The following LGALS3BP variants were observed in gnomAD, a reference collection of about 807,000 sequenced individuals.
The protein encoded by LGALS3BP is galectin-3-binding protein.
In LGALS3BP, 25 loss-of-function variants were observed where a neutral mutation model predicts 22.9. The observed-to-expected ratio is 1.09, with a 90% CI of 0.80 to 1.53. LGALS3BP has a LOEUF of 1.53. LGALS3BP is among the 40% of genes most tolerant of loss of function. LGALS3BP has a pLI of 0.00. For synonymous variants in LGALS3BP, 335 were observed against 331.1 expected (o/e 1.01, Z -0.13); for missense variants, 718 against 752.0 (o/e 0.95, Z 0.53).
chr17:78,975,006 C>T (rs2070707998), intron 3 of LGALS3BP, 187 bp from the exon 4 acceptor site: 1 of 718,746 alleles, frequency 1.4e-6, no homozygotes, highest in South Asian at 1.9e-5. Flanking sequence ...AGGCCATAAA[C>T]TTAGCCTTCA....
Position 78,972,503 on chromosome 17 carries a change from C to T in LGALS3BP, c.831G>A (p.Lys277=). Residue 277 remains lysine, a synonymous_variant, in exon 6 of 6, where the codon AAG becomes AAA. Transcript: ENST00000262776. The surrounding 1 kb of genome is among the most constrained non-coding windows in gnomAD (Gnocchi z 5.1). ...AVATGDALLE[K]LCLQFLAWNF... ...TCCAGGCCAGGAACTGTAGGCAGAG[C>T]TTCTCCAGCAGGGCGTCCCCTGTGG... 2 of 1,613,030 alleles carry T rather than the reference C, an allele frequency of 1.2e-6. No individual in the cohort carries two copies. The highest frequency in any genetic ancestry group is 1.1e-5 in the South Asian group (1 of 91,066).
At chr17:78,978,265 G>A (rs1437798541) in intron 1 of LGALS3BP, among the ~76,000 whole-genome samples, 2 of 152,230 alleles carry the variant, frequency 1.3e-5, no homozygotes, top group Non-Finnish European at 2.9e-5. Context: ...TAGCCCCTCT[G>A]CATGGGAGTC....
chr17:78,973,110 GC>G lies in LGALS3BP; in HGVS notation c.488del (p.Gly163AlafsTer14). On this transcript the variant is annotated frameshift_variant, in exon 5 of 6. Transcript: ENST00000262776. LOFTEE classifies it high-confidence loss of function. The surrounding 1 kb of genome is among the most constrained non-coding windows in gnomAD (Gnocchi z 5.8). ...GGCCACAGAAGCCCAGGGCGTCCTC[GC>G]CCTGCACATTCACGCTGATGGACAG... is the stretch of plus-strand genomic sequence containing the variant. The part of the protein sequence containing the change: ...CDLSISVNVQ[G>X]EDALGFCGHT... 5 of 1,613,512 alleles carry G rather than the reference GC, an allele frequency of 3.1e-6. No individual in the cohort carries two copies. Among genetic ancestry groups the G allele is most frequent in the Non-Finnish European group, 4.2e-6 (5 of 1,179,924 alleles).
Position 78,976,888 on chromosome 17 carries a change from C to T in LGALS3BP, c.52+252G>A. 3.7e-6 allele frequency: 2 copies of T among 538,312 alleles called. No individual in the cohort carries two copies. The highest frequency in any genetic ancestry group is 3.3e-5 in the East Asian group (1 of 30,098). The allele number at this position is 538,312 out of a possible 1,614,324, so 33.3% of individuals were successfully genotyped here. ...GCTGGTTTGATCAGCCCCTCTGGTT[C>T]CCTCTGGACGGAATGGAGGATTCCC... On this transcript the variant is annotated intron_variant, in intron 2 of 5. Coordinates refer to ENST00000262776, the MANE Select transcript of LGALS3BP (RefSeq NM_005567.4). The surrounding 1 kb of genome is among the most constrained non-coding windows in gnomAD (Gnocchi z 4.6).
chr17:78,976,113 G>A lies in LGALS3BP; in HGVS notation c.96C>T (p.Thr32=), dbSNP rs774158187. The A allele has an allele frequency of 1.2e-6, 2 of 1,600,134 alleles. No homozygotes were observed. The highest frequency in any genetic ancestry group is 2.3e-5 in the South Asian group (2 of 88,840). ...GDMRLADGGA[T]NQGRVEIFYR... is the part of the protein sequence containing the mutation. Reference sequence around the variant, plus strand: ...AGAAGATCTCCACGCGGCCCTGGTTGGTGGCGCCCCCATCGGCCAGCCGCA... The same window carrying A: ...AGAAGATCTCCACGCGGCCCTGGTTAGTGGCGCCCCCATCGGCCAGCCGCA... Residue 32 remains threonine, a synonymous_variant, in exon 3 of 6, where the codon ACC becomes ACT. Coordinates refer to ENST00000262776, the MANE Select transcript of LGALS3BP (RefSeq NM_005567.4). This position sits in a 1 kb window ranked among gnomAD's most constrained non-coding sequence, Gnocchi z 4.6.
chr17:78,972,748 C>A lies in LGALS3BP; in HGVS notation c.630-44G>T. 6.6e-7 allele frequency: 1 copy of A among 1,511,640 alleles called. No homozygotes were observed. Among genetic ancestry groups the A allele is most frequent in the Non-Finnish European group, 8.8e-7 (1 of 1,131,508 alleles). The allele number at this position is 1,511,640 out of a possible 1,614,324, so 93.6% of individuals were successfully genotyped here. On this transcript the variant is annotated intron_variant, in intron 5 of 5. Transcript: ENST00000262776. The surrounding 1 kb of genome is among the most constrained non-coding windows in gnomAD (Gnocchi z 5.1). ...AGCAGATGCCGGCCCCACAGGACAG[C>A]AGGGGAGCCCTGGGCCCAACTGTCC...
In LGALS3BP at chr17:78,972,395, C is replaced by G; in HGVS notation, c.939G>C (p.Leu313=). The part of the protein sequence containing the change: ...LLQLLLPRSD[L]AVPSELALLK... ...GTAGGGCCAGCTCGCTGGGCACCGCCAGGTCGCTCCTGGGCAGCAGCAGTT... is the reference window on the plus strand; with the variant it reads ...GTAGGGCCAGCTCGCTGGGCACCGCGAGGTCGCTCCTGGGCAGCAGCAGTT... The change falls in exon 6 of 6, where the codon CTG becomes CTC. Residue 313 remains leucine (L), a synonymous_variant. Transcript: ENST00000262776. The surrounding 1 kb of genome is among the most constrained non-coding windows in gnomAD (Gnocchi z 5.1). 6.2e-7 allele frequency: 1 copy of G among 1,613,482 alleles called. No homozygotes were observed. The highest frequency in any genetic ancestry group is 8.5e-7 in the Non-Finnish European group (1 of 1,180,022).
In LGALS3BP at chr17:78,976,272, A is replaced by C; in HGVS notation, c.53-116T>G. ...TGCTGAGCTTGTATTTCAGGGCTTC[A>C]AGGTCCCCTGGCCTCTCCATGAGGG... On this transcript the variant is annotated intron_variant, in intron 2 of 5. Transcript: ENST00000262776. The surrounding 1 kb of genome is among the most constrained non-coding windows in gnomAD (Gnocchi z 4.6). 1.1e-6 allele frequency: 1 copy of C among 933,188 alleles called. No individual in the cohort carries two copies. Among genetic ancestry groups the C allele is most frequent in the East Asian group, 2.7e-5 (1 of 36,722 alleles). 57.8% of individuals were successfully genotyped at this position (933,188 alleles called of 1,614,324 possible).
chr17:78,977,415 T>C, intron 1 of LGALS3BP: 1 of 571,200 alleles, frequency 1.8e-6, no homozygotes, highest in Non-Finnish European at 3.1e-6. Context: ...TGGTCTGCAG[T>C]GTGGTCCTGG....
intron 3 of LGALS3BP, 38 bp from the exon 4 acceptor site, chr17:78,974,857 G>A (rs779203036): frequency 8.7e-6 from 14 of 1,604,924 alleles, no homozygotes; most frequent in South Asian, 3.3e-5. Context: ...GGGGCGTGAC[G>A]ACTGCACCCA....
rs1568022230 is a variant in LGALS3BP at position 78,972,010 on chromosome 17, A to G, written c.1324T>C (p.Tyr442His). ...GGGGCTTGGAAGTAATCAGAAGAAT[A>G]TTTGACCAAAGGCCCCCGTCTGGAC... is the stretch of plus-strand genomic sequence containing the variant. ...YQSRRGPLVK[Y>H]SSDYFQAPSD... Residue 442 changes from tyrosine (Y) to histidine (H), a missense_variant, in exon 6 of 6, where the codon TAT (tyrosine) becomes CAT (histidine). Coordinates refer to ENST00000262776, the MANE Select transcript of LGALS3BP (RefSeq NM_005567.4). The surrounding 1 kb of genome is among the most constrained non-coding windows in gnomAD (Gnocchi z 5.1). 6.2e-7 allele frequency: 1 copy of G among 1,614,090 alleles called. No homozygotes were observed. Among genetic ancestry groups the G allele is most frequent in the Non-Finnish European group, 8.5e-7 (1 of 1,180,024 alleles).
Position 78,971,463 on chromosome 17 carries a change from T to C in LGALS3BP, c.*113A>G. ...GAGCGCTCAGGTGAGTAGGGCGACA[T>C]CTGGTGGCCGGTTGTTGAAGGTCAT... On this transcript the variant is annotated 3_prime_UTR_variant, in exon 6 of 6. Coordinates refer to ENST00000262776, the MANE Select transcript of LGALS3BP (RefSeq NM_005567.4). The surrounding 1 kb of genome is among the most constrained non-coding windows in gnomAD (Gnocchi z 5.6). 2.1e-6 allele frequency: 2 copies of C among 960,380 alleles called. No individual in the cohort carries two copies. Among genetic ancestry groups the C allele is most frequent in the Non-Finnish European group, 3.0e-6 (2 of 657,268 alleles). 59.5% of individuals were successfully genotyped at this position (960,380 alleles called of 1,614,324 possible). A position where few individuals can be genotyped will look rare whatever the true frequency, so the allele number is the denominator to read the frequency against.
rs199518403 is a variant in LGALS3BP, at chr17:78,972,157, G to A, written c.1177C>T (p.Arg393Trp). 14 of 1,613,988 alleles carry A rather than the reference G, an allele frequency of 8.7e-6. No individual in the cohort carries two copies. The highest frequency in any genetic ancestry group is 2.7e-5 in the African/African-American group (2 of 75,010). The change falls in exon 6 of 6, where the codon CGG (arginine) becomes TGG (tryptophan). Residue 393 changes from arginine (R) to tryptophan (W), a missense_variant. Transcript: ENST00000262776. This position sits in a 1 kb window ranked among gnomAD's most constrained non-coding sequence, Gnocchi z 5.1. Reference sequence around the variant, plus strand: ...TCGGTGAGGTTCAGGCCTTTGTACCGGGCCAGCAACTGGAAGGGCACAGTG... The same window carrying A: ...TCGGTGAGGTTCAGGCCTTTGTACCAGGCCAGCAACTGGAAGGGCACAGTG... ...FHTVPFQLLA[R>W]YKGLNLTEDT... is the part of the protein sequence containing the mutation.
chr17:78,978,507 A>AG (rs941287318), intron 1 of LGALS3BP, among the ~76,000 whole-genome samples: 44 of 152,372 alleles, frequency 2.9e-4, no homozygotes, highest in African/African-American at 1.0e-3. Context: ...AGCCACAGGC[A>AG]GGGGGTCTGC....
intron 3 of LGALS3BP, 135 bp from the exon 4 acceptor site, chr17:78,974,954 G>A (rs1372619018): frequency 9.7e-6 from 11 of 1,132,826 alleles, no homozygotes; most frequent in Admixed American, 5.3e-5. Flanking sequence ...AGCGAACCAC[G>A]GAGGATATTC....
Position 78,972,806 on chromosome 17 carries a change from G to A in LGALS3BP, c.630-102C>T. The stretch of plus-strand genomic sequence containing the variant: ...CCACCTGAGTGCACACAGTGTGGGA[G>A]TGAGCATGCGTGTGTGTGCAACTGC... On this transcript the variant is annotated intron_variant, in intron 5 of 5. Coordinates refer to ENST00000262776, the MANE Select transcript of LGALS3BP (RefSeq NM_005567.4). This position sits in a 1 kb window ranked among gnomAD's most constrained non-coding sequence, Gnocchi z 5.1. 6.9e-7 allele frequency: 1 copy of A among 1,446,020 alleles called. No individual in the cohort carries two copies. Among genetic ancestry groups the A allele is most frequent in the Non-Finnish European group, 9.3e-7 (1 of 1,078,696 alleles). The allele number at this position is 1,446,020 out of a possible 1,614,324, so 89.6% of individuals were successfully genotyped here.
Position 78,974,754 on chromosome 17 carries a change from T to C in LGALS3BP, c.310A>G (p.Lys104Glu). 6.2e-7 allele frequency: 1 copy of C among 1,613,884 alleles called. No individual in the cohort carries two copies. The highest frequency in any genetic ancestry group is 8.5e-7 in the Non-Finnish European group (1 of 1,180,000). Residue 104 changes from lysine (K) to glutamate (E), a missense_variant, in exon 4 of 6, where the codon AAG (lysine) becomes GAG (glutamate). By Grantham distance (56) the Lys-to-Glu change is moderately conservative. Transcript: ENST00000262776. ...TTGCTCTTCAGCCAGCCCAGGGACT[T>C]GCAGTCGGCCAGTGAGGCCTCGGTT... ...TGTEASLADC[K>E]SLGWLKSNCR...
At position 78,972,689 on chromosome 17, in the gene LGALS3BP, T is replaced by A. The variant is rs1164007893; in HGVS notation, c.645A>T (p.Arg215=). The A allele has an allele frequency of 6.6e-7, 1 of 1,517,292 alleles. No individual in the cohort carries two copies. The highest frequency in any genetic ancestry group is 8.8e-7 in the Non-Finnish European group (1 of 1,132,932). The allele number at this position is 1,517,292 out of a possible 1,614,324, so 94.0% of individuals were successfully genotyped here. The stretch of plus-strand genomic sequence containing the variant: ...CTGACGACAGGGTGATGTCAATCCT[T>A]CGGGAGTAGAAGTACCTGGGGAGAA... ...VRDLLRYFYS[R]RIDITLSSVK... Residue 215 remains arginine (R), a synonymous_variant, in exon 6 of 6, where the codon CGA becomes CGT. Coordinates refer to ENST00000262776, the MANE Select transcript of LGALS3BP (RefSeq NM_005567.4). The surrounding 1 kb of genome is among the most constrained non-coding windows in gnomAD (Gnocchi z 5.1).
chr17:78,977,207 C>T lies in LGALS3BP; in HGVS notation c.-16G>A. ...GAGGGGTCATGGCCGTGCCTGGATGCCCAGATCCTGCAGCAGACAGAAGCG... is the reference window on the plus strand; with the variant it reads ...GAGGGGTCATGGCCGTGCCTGGATGTCCAGATCCTGCAGCAGACAGAAGCG... On this transcript the variant is annotated 5_prime_UTR_variant, in exon 2 of 6. Coordinates refer to ENST00000262776, the MANE Select transcript of LGALS3BP (RefSeq NM_005567.4). The T allele has an allele frequency of 6.2e-7, 1 of 1,611,882 alleles. No homozygotes were observed. The highest frequency in any genetic ancestry group is 8.5e-7 in the Non-Finnish European group (1 of 1,179,666).
Sources: gnomAD v4.1 joint callset for allele counts (sites outside exome capture counted in the v4.1 genomes callset) on GRCh38, gnomAD v4.1.1 for gene constraint, Gnocchi (gnomAD v3.1) non-coding constraint, MANE v1.5 for transcripts, NCBI Gene and HGNC (gene_info 2026-07-23, HGNC 2026-07-21) for gene names.